Variants in LAMA3 observed in about 807,000 individuals in gnomAD.
LAMA3 encodes the protein laminin subunit alpha-3.
Under a neutral mutation model 402.0 loss-of-function variants are expected in LAMA3, and 281 were observed. The observed-to-expected ratio is 0.70, with a 90% confidence interval of 0.63 to 0.77. The LOEUF is 0.77. Among genes scored for constraint, LAMA3 ranks in the 30% least tolerant of loss-of-function variants. LAMA3 has a pLI of 0.00. For synonymous variants in LAMA3, 1,431 were observed against 1,558.4 expected (o/e 0.92, Z 1.93); for missense variants, 3,840 against 4,215.5 (o/e 0.91, Z 2.47).
intron 5 of LAMA3, among the ~76,000 whole-genome samples, 167 bp from the exon 6 acceptor site, chr18:23,753,535 AGTATGTTATTACATTTTAT>A (rs1470268278): frequency 3.9e-5 from 6 of 152,224 alleles, no homozygotes; most frequent in African/African-American, 1.4e-4. Flanking sequence ...CAAATTCAGC[AGTATGTTATTACATTTTAT>A]TGAGGAATGT....
intron 36 of LAMA3, among the ~76,000 whole-genome samples, chr18:23,866,597 T>C (rs1287624781): frequency 6.6e-6 from 1 of 152,190 alleles, no homozygotes; most frequent in Non-Finnish European, 1.5e-5. Context: ...TTCAGTTTCA[T>C]GTTTTTGCAG....
intron 1 of LAMA3, among the ~76,000 whole-genome samples, chr18:23,695,738 AGTGAG>A (rs2060671316): frequency 8.3e-6 from 1 of 121,196 alleles, no homozygotes; most frequent in African/African-American, 3.1e-5. Flanking sequence ...TGGAGGCTGC[AGTGAG>A]CCGAGATCAC....
chr18:23,770,761 A>AAAAAC (rs753441093), intron 8 of LAMA3, among the ~76,000 whole-genome samples: 3 of 152,200 alleles, frequency 2.0e-5, no homozygotes, highest in East Asian at 1.9e-4. Flanking sequence ...ACTCTGTCTC[A>AAAAAC]AAAACAAAAC....
chr18:23,797,354 TCAGC>T (rs2062784256), intron 12 of LAMA3, among the ~76,000 whole-genome samples: 1 of 152,104 alleles, frequency 6.6e-6, no homozygotes, highest in Non-Finnish European at 1.5e-5. Context: ...CAATGGTGTA[TCAGC>T]TGACCCAGTA....
At chr18:23,936,312 A>G (rs1302789693) in intron 67 of LAMA3, among the ~76,000 whole-genome samples, 1 of 151,730 alleles carries the variant, frequency 6.6e-6, no homozygotes, top group Non-Finnish European at 1.5e-5. Context: ...ATATGTATAC[A>G]TGTGTCATGT....
At chr18:23,776,802 G>A (rs2062330190) in intron 10 of LAMA3, among the ~76,000 whole-genome samples, 1 of 150,826 alleles carries the variant, frequency 6.6e-6, no homozygotes, top group African/African-American at 2.4e-5. Flanking sequence ...TTTTATATCT[G>A]TGAGTCTTGG....
Position 23,932,264 on chromosome 18 carries a change from G to A in LAMA3, c.8681G>A (p.Gly2894Asp), listed in dbSNP as rs2082184217. ...SLRLGGSNFE[G>D]CISNVFVQRL... ...CGTCTGGGCGGGAGCAATTTTGAGG[G>A]TTGTATTAGCAATGTTTTTGTCCAG... Residue 2894 changes from glycine (G) to aspartate (D), a missense_variant, in exon 66 of 75, where the codon GGT becomes GAT. By Grantham distance (94) the Gly-to-Asp change is moderately conservative. Coordinates refer to ENST00000313654, the MANE Select transcript of LAMA3 (RefSeq NM_198129.4). 6.2e-7 allele frequency: 1 copy of A among 1,614,086 alleles called. No homozygotes were observed. Among genetic ancestry groups the A allele is most frequent in the African/African-American group, 1.3e-5 (1 of 75,050 alleles).
chr18:23,728,372 A>G (rs540804581), intron 2 of LAMA3, among the ~76,000 whole-genome samples: 57 of 152,232 alleles, frequency 3.7e-4, no homozygotes, highest in Middle Eastern at 3.4e-3. Flanking sequence ...CTGTTGGCCC[A>G]TAGGCTGCAG....
At chr18:23,905,741 G>T (rs1292467186) in intron 52 of LAMA3, 117 bp downstream of exon 52, 3 of 582,276 alleles carry the variant, frequency 5.2e-6, no homozygotes, top group South Asian at 1.8e-5. Context: ...CAATGCAGAT[G>T]ATACCCTTTA....
intron 47 of LAMA3, among the ~76,000 whole-genome samples, chr18:23,900,805 C>G (rs914752275): frequency 2.6e-5 from 4 of 152,136 alleles, no homozygotes; most frequent in African/African-American, 9.7e-5. Context: ...ATGCACTTTA[C>G]CCCCTGCAGC....
chr18:23,907,083 T>C (rs2081274954), intron 52 of LAMA3, among the ~76,000 whole-genome samples: 2 of 152,258 alleles, frequency 1.3e-5, no homozygotes, highest in African/African-American at 4.8e-5. Flanking sequence ...CACTCTTTTC[T>C]TGTCCTCTGA....
chr18:23,930,424 G>A (rs1057491152), intron 64 of LAMA3, among the ~76,000 whole-genome samples: 25 of 152,278 alleles, frequency 1.6e-4, no homozygotes, highest in Middle Eastern at 3.4e-3. Flanking sequence ...TGATCCGATA[G>A]AAATAACTTC....
In LAMA3 at chr18:23,773,532, T is replaced by C. The variant is rs774238074; in HGVS notation, c.1218T>C (p.Ala406=). The C allele has an allele frequency of 6.2e-7, 1 of 1,600,368 alleles. No individual in the cohort carries two copies. The highest frequency in any genetic ancestry group is 2.2e-5 in the East Asian group (1 of 44,676). ...CTGGAGTAAACTGTGAACAGTGTGCTAAGGGCTATTACCGCCCTTATGGGG... is the reference window on the plus strand; with the variant it reads ...CTGGAGTAAACTGTGAACAGTGTGCCAAGGGCTATTACCGCCCTTATGGGG... ...NTAGVNCEQC[A]KGYYRPYGVP... Residue 406 remains alanine, a synonymous_variant, in exon 9 of 75, where the codon GCT becomes GCC. Coordinates refer to ENST00000313654, the MANE Select transcript of LAMA3 (RefSeq NM_198129.4).
intron 48 of LAMA3, 70 bp from the exon 49 acceptor site, chr18:23,902,939 C>A: frequency 1.2e-6 from 1 of 852,484 alleles, no homozygotes; most frequent in South Asian, 1.3e-5. Flanking sequence ...ATGCTATTGT[C>A]CCATAAATTT....
At chr18:23,904,494 G>A in intron 50 of LAMA3, 59 bp from the exon 51 acceptor site, 3 of 1,518,150 alleles carry the variant, frequency 2.0e-6, no homozygotes, top group Non-Finnish European at 2.7e-6. Flanking sequence ...GGTTTGGGGG[G>A]ATGTCAGCTG....
intron 34 of LAMA3, 70 bp downstream of exon 34, chr18:23,858,899 G>T: frequency 6.8e-7 from 1 of 1,467,370 alleles, no homozygotes; most frequent in South Asian, 1.1e-5. Context: ...CATATCCCTC[G>T]CTGCTCCTTG....
chr18:23,822,379 A>G lies in LAMA3; in HGVS notation c.2428+4A>G. ...ATAACTATTTATCCATCCTGGGGTA[A>G]GGCACGTAGGTAAAATGTCAAGCCT... On this transcript the variant is annotated splice_donor_region_variant and intron_variant, in intron 20 of 74. Coordinates refer to ENST00000313654, the MANE Select transcript of LAMA3 (RefSeq NM_198129.4). The G allele has an allele frequency of 6.2e-7, 1 of 1,613,134 alleles. No homozygotes were observed. Among genetic ancestry groups the G allele is most frequent in the Non-Finnish European group, 8.5e-7 (1 of 1,179,190 alleles).
intron 36 of LAMA3, among the ~76,000 whole-genome samples, chr18:23,865,873 A>C (rs1488143608): frequency 6.6e-6 from 1 of 152,210 alleles, no homozygotes; most frequent in Non-Finnish European, 1.5e-5. Flanking sequence ...AGAGTCATTG[A>C]AAACAAGTCT....
At chr18:23,886,501 G>A (rs911082836) in intron 41 of LAMA3, among the ~76,000 whole-genome samples, 1 of 151,852 alleles carries the variant, frequency 6.6e-6, no homozygotes, top group African/African-American at 2.4e-5. Flanking sequence ...AATTAGCCAA[G>A]TGTGGTGGTG....
Sources: gnomAD v4.1 joint callset for allele counts (sites outside exome capture counted in the v4.1 genomes callset) on GRCh38, gnomAD v4.1.1 for gene constraint, MANE v1.5 for transcripts, NCBI Gene and HGNC (gene_info 2026-07-23, HGNC 2026-07-21) for gene names.